Variants in SEM1 observed in about 807,000 individuals in gnomAD.
SEM1 encodes 26S proteasome complex subunit SEM1.
Under a neutral mutation model 12.7 loss-of-function variants are expected in SEM1, and 3 were observed. The observed-to-expected ratio is 0.24, with a 90% CI of 0.11 to 0.61. The LOEUF is 0.61. Ranked by LOEUF, SEM1 falls within the 20% of genes least tolerant of loss-of-function variation. The pLI, the probability that SEM1 is intolerant of heterozygous loss-of-function variation, is 0.88. For synonymous variants in SEM1, 30 were observed against 27.8 expected (o/e 1.08, Z -0.25); for missense variants, 59 against 81.3 (o/e 0.73, Z 1.06).
chr7:96,550,748 T>A (rs1805243173), intron 2 of SEM1, among the ~76,000 whole-genome samples: 1 of 152,182 alleles, frequency 6.6e-6, no homozygotes, highest in Admixed American at 6.5e-5. Context: ...TAAGGCAGGA[T>A]CAGCTATGCC....
chr7:96,600,855 C>T (rs1446837032), intron 2 of SEM1, among the ~76,000 whole-genome samples: 1 of 152,046 alleles, frequency 6.6e-6, no homozygotes, highest in Non-Finnish European at 1.5e-5. Flanking sequence ...CTGGATGGAG[C>T]AAGTTTGGAG....
chr7:96,691,921 A>C (rs1297413277), intron 2 of SEM1, among the ~76,000 whole-genome samples: 4 of 152,228 alleles, frequency 2.6e-5, no homozygotes, highest in Non-Finnish European at 4.4e-5. Context: ...TTAGTGAAGA[A>C]AGAACTCATG....
intron 2 of SEM1, among the ~76,000 whole-genome samples, chr7:96,655,313 T>C (rs1046891165): frequency 2.4e-4 from 37 of 152,206 alleles, no homozygotes; most frequent in South Asian, 8.3e-4. Context: ...TCCATTGCCA[T>C]TGTTGTGTGG....
At chr7:96,642,637 C>T (rs188955119) in intron 2 of SEM1, among the ~76,000 whole-genome samples, 1 of 152,020 alleles carries the variant, frequency 6.6e-6, no homozygotes, top group East Asian at 1.9e-4. Context: ...ATTAATCCTA[C>T]TAAATAATTA....
At chr7:96,484,873 A>G (rs777804993) in intron 2 of SEM1, 2 of 1,286,246 alleles carry the variant, frequency 1.6e-6, no homozygotes, top group South Asian at 2.5e-5. Flanking sequence ...ATTAGATTTC[A>G]TGATTCAAGT....
chr7:96,636,439 T>A (rs1041144972), intron 2 of SEM1, among the ~76,000 whole-genome samples: 8 of 152,054 alleles, frequency 5.3e-5, no homozygotes, highest in African/African-American at 1.9e-4. Context: ...CCACAGGACA[T>A]GGTGAGCAAC....
chr7:96,644,090 T>A (rs1808709025), intron 2 of SEM1, among the ~76,000 whole-genome samples: 1 of 151,986 alleles, frequency 6.6e-6, no homozygotes, highest in Admixed American at 6.6e-5. Flanking sequence ...TGTTCTGGCT[T>A]GTTCTCTGGG....
At chr7:96,650,169 T>G in intron 2 of SEM1, 2 of 274,812 alleles carry the variant, frequency 7.3e-6, no homozygotes, top group Non-Finnish European at 6.8e-6. Flanking sequence ...AAGCTATAAA[T>G]AGCTCAAAGG....
At chr7:96,609,900 C>T (rs1479725967) in intron 2 of SEM1, among the ~76,000 whole-genome samples, 2 of 152,222 alleles carry the variant, frequency 1.3e-5, no homozygotes, top group African/African-American at 4.8e-5. Flanking sequence ...TCCTCCCATT[C>T]TAACCACATG....
intron 2 of SEM1, among the ~76,000 whole-genome samples, chr7:96,628,943 T>C (rs1158592379): frequency 6.6e-6 from 1 of 152,184 alleles, no homozygotes; most frequent in Non-Finnish European, 1.5e-5. Context: ...CTTTTTCTTT[T>C]AGCACTTAAT....
intron 3 of SEM1, among the ~76,000 whole-genome samples, chr7:96,505,664 A>G (rs1803733324): frequency 6.6e-6 from 1 of 152,136 alleles, no homozygotes; most frequent in South Asian, 2.1e-4. Flanking sequence ...GTGGCTGGGA[A>G]GTCCAAGACG....
chr7:96,515,799 T>A (rs778869298), intron 2 of SEM1, among the ~76,000 whole-genome samples: 8 of 152,048 alleles, frequency 5.3e-5, no homozygotes, highest in Non-Finnish European at 1.0e-4. Flanking sequence ...CACCACATGT[T>A]CTCACTCATA....
downstream of SEM1, among the ~76,000 whole-genome samples, chr7:96,685,690 T>C (rs1035933557): frequency 4.0e-5 from 6 of 150,738 alleles, no homozygotes; most frequent in Admixed American, 1.3e-4. Context: ...GATTAACACA[T>C]ATAAATAGCT....
intron 2 of SEM1, among the ~76,000 whole-genome samples, chr7:96,605,275 C>T (rs1052827826): frequency 1.3e-5 from 2 of 152,128 alleles, no homozygotes; most frequent in Non-Finnish European, 2.9e-5. Context: ...TCGTGAGGTA[C>T]AGAGGCCAAA....
At chr7:96,541,561 T>C (rs1194939745) in intron 2 of SEM1, among the ~76,000 whole-genome samples, 2 of 151,654 alleles carry the variant, frequency 1.3e-5, no homozygotes, top group South Asian at 2.1e-4. Context: ...CTGTTTACTA[T>C]GTTGACAGTT....
At chr7:96,567,645 A>T (rs1279787937) in intron 2 of SEM1, among the ~76,000 whole-genome samples, 1 of 151,598 alleles carries the variant, frequency 6.6e-6, no homozygotes, top group Non-Finnish European at 1.5e-5. Flanking sequence ...TGTCAATTAG[A>T]TGGATATTAA....
chr7:96,492,758 C>CGT (rs1563027134), intron 1 of SEM1, among the ~76,000 whole-genome samples: 1,209 of 94,716 alleles, frequency 0.013, 12 homozygotes, highest in African/African-American at 0.046. Context: ...GAATAATATT[C>CGT]ATGTGTGTGT....
intron 2 of SEM1, among the ~76,000 whole-genome samples, chr7:96,641,599 C>A (rs1209268586): frequency 6.6e-6 from 1 of 151,912 alleles, no homozygotes; most frequent in Non-Finnish European, 1.5e-5. Flanking sequence ...GTATAGTTTT[C>A]TTCTTGTCTA....
Position 96,484,896 on chromosome 7 carries a change from A to G in SEM1, c.228-42T>C, listed in dbSNP as rs112800557. On this transcript the variant is annotated intron_variant, in intron 2 of 3. Coordinates refer to the SEM1 transcript ENST00000356686. ...TCATGATTCAAGTCTCTGGAATCCA[A>G]CTTTCTAAATTGTCTTACCCTGGTG... The G allele has an allele frequency of 1.7e-5, 21 of 1,243,466 alleles. No individual in the cohort carries two copies. In the East Asian group the frequency reaches 2.8e-4, roughly 17 times the overall value. 77.0% of individuals were successfully genotyped at this position (1,243,466 alleles called of 1,614,324 possible).
Sources: allele counts gnomAD v4.1 joint callset (sites outside exome capture counted in the v4.1 genomes callset), GRCh38; gene constraint gnomAD v4.1.1; transcripts MANE v1.5; gene names NCBI Gene and HGNC (gene_info 2026-07-23, HGNC 2026-07-21).